Variants in NF1 observed in about 807,000 individuals in gnomAD.
The protein encoded by NF1 is neurofibromin 1, also known as neurofibromin.
Under a neutral mutation model 325.7 loss-of-function variants are expected in NF1, and 122 were observed. The observed-to-expected ratio is 0.37, with a 90% CI of 0.32 to 0.44. The LOEUF (loss-of-function observed/expected upper bound fraction) is 0.44, where lower values mean the gene tolerates loss of function less well. Among genes scored for constraint, NF1 ranks in the 20% least tolerant of loss-of-function variants. NF1 has a pLI of 1.00. For missense variants in NF1, 2,140 were observed against 3,415.4 expected (o/e 0.63, Z 9.31); for synonymous variants, 1,091 against 1,186.0 (o/e 0.92, Z 1.65).
At chr17:31,318,393 T>C (rs764829154) in intron 36 of NF1, 1 of 1,614,056 alleles carries the variant, frequency 6.2e-7, no homozygotes, top group Non-Finnish European at 8.5e-7. Context: ...ATTGCATCAC[T>C]AGGTTGGGTC....
intron 12 of NF1, among the ~76,000 whole-genome samples, chr17:31,213,133 G>A (rs1487956845): frequency 6.6e-6 from 1 of 152,114 alleles, no homozygotes; most frequent in African/African-American, 2.4e-5. Context: ...CAAAGTTTCA[G>A]CTTGATCTGA....
chr17:31,274,047 A>G (rs2067955005), intron 36 of NF1, among the ~76,000 whole-genome samples: 1 of 152,226 alleles, frequency 6.6e-6, no homozygotes, highest in African/African-American at 2.4e-5. Context: ...AGTTTAAAAA[A>G]TAATTCAGTA....
At chr17:31,280,224 T>A (rs534474095) in intron 36 of NF1, among the ~76,000 whole-genome samples, 91 of 150,728 alleles carry the variant, frequency 6.0e-4, no homozygotes, top group East Asian at 1.7e-3. Flanking sequence ...TTTTTTTTTT[T>A]AAAAAAGAAA....
intron 4 of NF1, among the ~76,000 whole-genome samples, chr17:31,166,570 T>C (rs1394443713): frequency 6.6e-6 from 1 of 152,184 alleles, no homozygotes; most frequent in East Asian, 1.9e-4. Context: ...ATGGGCAGTA[T>C]AAATTTGAAC....
chr17:31,242,504 G>C (rs779468345), intron 29 of NF1, among the ~76,000 whole-genome samples: 10 of 151,562 alleles, frequency 6.6e-5, no homozygotes, highest in Non-Finnish European at 1.2e-4. Context: ...TGTCTCCTCT[G>C]TGTATTTTCA....
At chr17:31,156,807 A>G (rs936254941) in intron 2 of NF1, among the ~76,000 whole-genome samples, 1 of 152,160 alleles carries the variant, frequency 6.6e-6, no homozygotes, top group African/African-American at 2.4e-5. Flanking sequence ...CTTTGAACAT[A>G]TAACATCTTT....
chr17:31,258,266 T>A (rs1276362822), intron 31 of NF1, 78 bp from the exon 32 acceptor site: 3 of 1,511,952 alleles, frequency 2.0e-6, no homozygotes, highest in Non-Finnish European at 2.8e-6. Flanking sequence ...TATGCAAAGT[T>A]TGACCTTTGA....
At position 31,133,300 on chromosome 17, in the gene NF1, A is replaced by G. The variant is rs181021027; in HGVS notation, c.61-22683A>G. Reference sequence around the variant, plus strand: ...TGTAATGTCTTCAAGGTTAATCCACATTGCAGCATATGTCAGAATTTCCTA... The same window carrying G: ...TGTAATGTCTTCAAGGTTAATCCACGTTGCAGCATATGTCAGAATTTCCTA... On this transcript the variant is annotated intron_variant, in intron 1 of 57. Coordinates refer to ENST00000358273, the MANE Select transcript of NF1 (RefSeq NM_001042492.3). 9 of 152,292 alleles carry G rather than the reference A, an allele frequency of 5.9e-5. No homozygotes were observed. In the South Asian group the frequency reaches 1.2e-3, roughly 21 times the overall value. The allele number at this position is 152,292 out of a possible 1,614,324, so 9.4% of individuals were successfully genotyped here. A position where few individuals can be genotyped will look rare whatever the true frequency, so the allele number is the denominator to read the frequency against.
At position 31,128,406 on chromosome 17, in the gene NF1, C is replaced by T. The variant is rs144695752; in HGVS notation, c.61-27577C>T. 113 of 152,098 alleles carry T rather than the reference C, an allele frequency of 7.4e-4. 1 individual carries two copies. The highest frequency in any genetic ancestry group is 2.6e-3 in the African/African-American group (109 of 41,494). 9.4% of individuals were successfully genotyped at this position (152,098 alleles called of 1,614,324 possible). A position where few individuals can be genotyped will look rare whatever the true frequency, so the allele number is the denominator to read the frequency against. On this transcript the variant is annotated intron_variant, in intron 1 of 57. Coordinates refer to ENST00000358273, the MANE Select transcript of NF1 (RefSeq NM_001042492.3). ...TTATGCTGACTTGTTGGCATGGTTG[C>T]TTTGTAGTGTCACTGGTTATGTACT...
At chr17:31,266,792 C>A (rs1235939462) in intron 36 of NF1, among the ~76,000 whole-genome samples, 1 of 150,486 alleles carries the variant, frequency 6.6e-6, no homozygotes, top group Non-Finnish European at 1.5e-5. Context: ...CTGTGGTGAT[C>A]TAGAAAAAGC....
chr17:31,243,761 A>G (rs991538842), intron 29 of NF1, among the ~76,000 whole-genome samples: 1 of 151,798 alleles, frequency 6.6e-6, no homozygotes, highest in East Asian at 2.0e-4. Context: ...CCAGGAGCCA[A>G]GGCCTGGAAT....
At chr17:31,239,835 T>G (rs2067264432) in intron 29 of NF1, among the ~76,000 whole-genome samples, 1 of 152,206 alleles carries the variant, frequency 6.6e-6, no homozygotes, top group Admixed American at 6.5e-5. Flanking sequence ...CTATCTTGGC[T>G]CACTGCAACC....
intron 36 of NF1, among the ~76,000 whole-genome samples, chr17:31,284,887 G>A (rs1334908449): frequency 1.3e-5 from 2 of 152,088 alleles, no homozygotes; most frequent in African/African-American, 4.8e-5. Flanking sequence ...TTAGGAGGCC[G>A]AGGTGGGCAG....
At chr17:31,183,218 G>GAA in intron 8 of NF1, 1 of 187,924 alleles carries the variant, frequency 5.3e-6, no homozygotes. Context: ...CTAGGTGATT[G>GAA]AAAAAAAAAA....
intron 36 of NF1, among the ~76,000 whole-genome samples, chr17:31,292,305 G>A (rs964737815): frequency 2.6e-5 from 4 of 152,112 alleles, no homozygotes; most frequent in Non-Finnish European, 5.9e-5. Context: ...AAGGACTAAT[G>A]CATTTTGAAA....
chr17:31,207,960 C>T (rs2143925251), intron 12 of NF1, among the ~76,000 whole-genome samples: 1 of 152,140 alleles, frequency 6.6e-6, no homozygotes, highest in East Asian at 1.9e-4. Flanking sequence ...TTACCAGCTG[C>T]CCATAATTTT....
chr17:31,328,153 T>A (rs1817462678), intron 38 of NF1, among the ~76,000 whole-genome samples: 1 of 152,236 alleles, frequency 6.6e-6, no homozygotes. Flanking sequence ...TTTTTCCATT[T>A]TCAGAAGTAT....
chr17:31,320,681 T>G lies in NF1; in HGVS notation c.4836-5139T>G, dbSNP rs549795715. Among the ~76,000 whole-genome samples, 5 of 152,298 alleles carry G rather than the reference T, an allele frequency of 3.3e-5. No individual in the cohort carries two copies. In the South Asian group the frequency reaches 1.0e-3, roughly 32 times the overall value. ...AAGATTACTTTTTAGATTATGACCT[T>G]TAGTAGACAATTAAAGGCCCAAGTC... is the stretch of plus-strand genomic sequence containing the variant. On this transcript the variant is annotated intron_variant, in intron 36 of 57. Coordinates refer to ENST00000358273, the MANE Select transcript of NF1 (RefSeq NM_001042492.3).
At chr17:31,159,661 A>C (rs1221301457) in intron 3 of NF1, among the ~76,000 whole-genome samples, 1 of 152,184 alleles carries the variant, frequency 6.6e-6, no homozygotes, top group African/African-American at 2.4e-5. Context: ...GTGTATTTCA[A>C]CCATGACTTA....
Sources: allele counts gnomAD v4.1 joint callset (sites outside exome capture counted in the v4.1 genomes callset), GRCh38; gene constraint gnomAD v4.1.1; transcripts MANE v1.5; gene names NCBI Gene and HGNC (gene_info 2026-07-23, HGNC 2026-07-21).